The following CNIH2 variants were observed in gnomAD, a reference collection of about 807,000 sequenced individuals.
CNIH2 encodes protein cornichon homolog 2.
Under a neutral mutation model 22.9 loss-of-function variants are expected in CNIH2, and 8 were observed. That is an observed-to-expected ratio of 0.35 (90% CI 0.20 to 0.63). The LOEUF is 0.63. Ranked by LOEUF, CNIH2 falls within the 30% of genes least tolerant of loss-of-function variation. CNIH2 has a pLI of 0.72. For synonymous variants in CNIH2, 74 were observed against 78.2 expected (o/e 0.95, Z 0.28); for missense variants, 105 against 206.2 (o/e 0.51, Z 3.01).
intron 1 of CNIH2, among the ~76,000 whole-genome samples, chr11:66,281,824 A>AC (rs1397426231): frequency 6.7e-6 from 1 of 149,950 alleles, no homozygotes. Context: ...GAACTCCCTC[A>AC]CCCCCCACAC....
At chr11:66,283,173 G>A (rs371719138) in intron 4 of CNIH2, 26 bp downstream of exon 4, 9 of 1,613,642 alleles carry the variant, frequency 5.6e-6, no homozygotes, top group Middle Eastern at 1.6e-4. Flanking sequence ...GCCTTGGGGA[G>A]GCTGAGATGG....
At chr11:66,282,429 G>GGGGGGGGGGGGGGGGCCC in intron 2 of CNIH2, 102 bp downstream of exon 2, 1 of 479,442 alleles carries the variant, frequency 2.1e-6, no homozygotes, top group Non-Finnish European at 4.2e-6. Flanking sequence ...GGGGTGGGGG[G>GGGGGGGGGGGGGGGGCCC]CCTACGGCCA....
chr11:66,278,386 G>A lies in CNIH2; in HGVS notation c.-71G>A. The A allele has an allele frequency of 1.7e-6, 1 of 575,444 alleles. No individual in the cohort carries two copies. The highest frequency in any genetic ancestry group is 2.2e-6 in the Non-Finnish European group (1 of 452,920). The allele number at this position is 575,444 out of a possible 1,614,324, so 35.6% of individuals were successfully genotyped here. A position where few individuals can be genotyped will look rare whatever the true frequency, so the allele number is the denominator to read the frequency against. On this transcript the variant is annotated 5_prime_UTR_variant, in exon 1 of 6. Coordinates refer to ENST00000311445, the MANE Select transcript of CNIH2 (RefSeq NM_182553.3). ...CCATGCCCGGCCGGCCCTAAGCGCG[G>A]GCCGGGGGGCGTCCCCTTGCGCCCG...
Position 66,284,205 on chromosome 11 carries a change from T to C in CNIH2, c.*608T>C, listed in dbSNP as rs1857311420. 2 of 198,092 alleles carry C rather than the reference T, an allele frequency of 1.0e-5. No homozygotes were observed. Among genetic ancestry groups the C allele is most frequent in the Admixed American group, 1.1e-4 (2 of 18,980 alleles). 12.3% of individuals were successfully genotyped at this position (198,092 alleles called of 1,614,324 possible). A position where few individuals can be genotyped will look rare whatever the true frequency, so the allele number is the denominator to read the frequency against. On this transcript the variant is annotated 3_prime_UTR_variant, in exon 6 of 6. Coordinates refer to ENST00000311445, the MANE Select transcript of CNIH2 (RefSeq NM_182553.3). ...CAAAATATGAATAAACTACTGCAAA[T>C]ATGTGGGCCCCGGTTCTGCTCCTGG...
chr11:66,282,391 TGGGGGTGGGAGACGGGAAGAC>T, intron 2 of CNIH2, 64 bp downstream of exon 2: 1 of 147,330 alleles, frequency 6.8e-6, no homozygotes, highest in Non-Finnish European at 1.1e-5. Context: ...TGTCGTGGGC[TGGGGGTGGGAGACGGGAAGAC>T]GGGGGTGGGG....
At chr11:66,281,834 C>T (rs1203790048) in intron 1 of CNIH2, among the ~76,000 whole-genome samples, 1 of 152,008 alleles carries the variant, frequency 6.6e-6, no homozygotes, top group African/African-American at 2.4e-5. Context: ...ACCCCCCACA[C>T]AGGGTTAAGC....
intron 2 of CNIH2, 102 bp downstream of exon 2, chr11:66,282,429 G>GCCTGGGGGGGGGGGGGGGGGGGGC: frequency 6.3e-6 from 3 of 479,464 alleles, no homozygotes; most frequent in Non-Finnish European, 8.4e-6. Flanking sequence ...GGGGTGGGGG[G>GCCTGGGGGGGGGGGGGGGGGGGGC]CCTACGGCCA....
intron 1 of CNIH2, among the ~76,000 whole-genome samples, chr11:66,279,696 G>A (rs1003255356): frequency 2.0e-5 from 3 of 151,850 alleles, no homozygotes; most frequent in Non-Finnish European, 2.9e-5. Flanking sequence ...GGGACCTGCC[G>A]CCTGCTCCAT....
rs1019488602 is a variant in CNIH2 at position 66,283,893 on chromosome 11, G to A, written c.*296G>A. 2.1e-5 allele frequency: 8 copies of A among 385,368 alleles called. No individual in the cohort carries two copies. The highest frequency in any genetic ancestry group is 4.6e-5 in the East Asian group (1 of 21,550). 23.9% of individuals were successfully genotyped at this position (385,368 alleles called of 1,614,324 possible). A position where few individuals can be genotyped will look rare whatever the true frequency, so the allele number is the denominator to read the frequency against. On this transcript the variant is annotated 3_prime_UTR_variant, in exon 6 of 6. Transcript: ENST00000311445. ...CAGGACCTCCGGCCTTGTCCATTTC[G>A]GGGGAAACTTGGGCCCTGCCAAGGG...
intron 2 of CNIH2, 96 bp downstream of exon 2, chr11:66,282,423 T>TGGGGGTATGGGGGGGGGGGGGG: frequency 6.8e-6 from 1 of 147,072 alleles, no homozygotes. Flanking sequence ...GGGGGTGGGG[T>TGGGGGTATGGGGGGGGGGGGGG]GGGGGGCCTA....
intron 1 of CNIH2, among the ~76,000 whole-genome samples, chr11:66,281,825 C>A (rs2134879732): frequency 6.6e-6 from 1 of 152,016 alleles, no homozygotes; most frequent in South Asian, 2.1e-4. Flanking sequence ...AACTCCCTCA[C>A]CCCCCACACA....
Position 66,278,415 on chromosome 11 carries a change from C to T in CNIH2, c.-42C>T. Reference sequence around the variant, plus strand: ...GGGGGGCGTCCCCTTGCGCCCGGGCCCCGCGCTGGCGCCCCCCGGGCCGCC... The same window carrying T: ...GGGGGGCGTCCCCTTGCGCCCGGGCTCCGCGCTGGCGCCCCCCGGGCCGCC... On this transcript the variant is annotated 5_prime_UTR_variant, in exon 1 of 6. Coordinates refer to ENST00000311445, the MANE Select transcript of CNIH2 (RefSeq NM_182553.3). The T allele has an allele frequency of 2.0e-6, 2 of 1,001,106 alleles. No individual in the cohort carries two copies. Among genetic ancestry groups the T allele is most frequent in the South Asian group, 3.7e-5 (1 of 27,362 alleles). 62.0% of individuals were successfully genotyped at this position (1,001,106 alleles called of 1,614,324 possible). A position where few individuals can be genotyped will look rare whatever the true frequency, so the allele number is the denominator to read the frequency against.
intron 1 of CNIH2, among the ~76,000 whole-genome samples, chr11:66,280,669 G>A (rs1857246738): frequency 6.6e-6 from 1 of 152,176 alleles, no homozygotes; most frequent in Non-Finnish European, 1.5e-5. Flanking sequence ...TGCTGGTGGT[G>A]CCAGCTCTGG....
At chr11:66,282,429 G>GGGGGGGCC in intron 2 of CNIH2, 102 bp downstream of exon 2, 6 of 479,404 alleles carry the variant, frequency 1.3e-5, no homozygotes, top group East Asian at 5.8e-5. Flanking sequence ...GGGGTGGGGG[G>GGGGGGGCC]CCTACGGCCA....
rs1218827229 is a variant in CNIH2, at chr11:66,283,914, A to T, written c.*317A>T. 2.9e-6 allele frequency: 1 copy of T among 341,614 alleles called. No individual in the cohort carries two copies. Among genetic ancestry groups the T allele is most frequent in the African/African-American group, 2.1e-5 (1 of 47,294 alleles). The allele number at this position is 341,614 out of a possible 1,614,324, so 21.2% of individuals were successfully genotyped here. ...TTTCGGGGGAAACTTGGGCCCTGCC[A>T]AGGGGCAGAGCTTGACCCTGGAAAT... On this transcript the variant is annotated 3_prime_UTR_variant, in exon 6 of 6. Transcript: ENST00000311445.
At chr11:66,280,587 G>A (rs1049018981) in intron 1 of CNIH2, among the ~76,000 whole-genome samples, 25 of 152,312 alleles carry the variant, frequency 1.6e-4, no homozygotes, top group African/African-American at 6.0e-4. Flanking sequence ...GTCACCATGG[G>A]GGATTGTTTG....
At chr11:66,282,824 G>A (rs781520921) in intron 3 of CNIH2, 44 bp downstream of exon 3, 1 of 1,586,140 alleles carries the variant, frequency 6.3e-7, no homozygotes, top group South Asian at 1.1e-5. Flanking sequence ...GCCCAGCGCT[G>A]CCCCCACTGT....
chr11:66,281,582 C>T, intron 1 of CNIH2: 1 of 428,516 alleles, frequency 2.3e-6, no homozygotes, highest in Admixed American at 2.5e-5. Context: ...AAAGTAAGTC[C>T]AAACTCCTGC....
chr11:66,278,562 TGGGGGCGGGGTGGGGGGCA>T, intron 1 of CNIH2, 25 bp downstream of exon 1: 2 of 181,660 alleles, frequency 1.1e-5, no homozygotes, highest in Non-Finnish European at 2.1e-5. Flanking sequence ...GGGCTGGGGC[TGGGGGCGGGGTGGGGGGCA>T]GGGGCCACGC....
Sources: gnomAD v4.1 joint callset for allele counts (sites outside exome capture counted in the v4.1 genomes callset) on GRCh38, gnomAD v4.1.1 for gene constraint, MANE v1.5 for transcripts, NCBI Gene and HGNC (gene_info 2026-07-23, HGNC 2026-07-21) for gene names.